EMCN: variants seen among roughly 807,000 people sequenced by gnomAD.
EMCN encodes the protein endomucin.
In EMCN, 37 loss-of-function variants were observed where a neutral mutation model predicts 38.4. The observed-to-expected ratio is 0.96, with a 90% CI of 0.74 to 1.27. EMCN has a LOEUF of 1.27. EMCN is among the 50% of genes most tolerant of loss of function. The pLI is 0.00. For synonymous variants in EMCN, 95 were observed against 100.8 expected (o/e 0.94, Z 0.35); for missense variants, 318 against 302.8 (o/e 1.05, Z -0.37).
chr4:100,475,017 GA>G lies in EMCN; in HGVS notation c.259+20del. 2 of 1,357,048 alleles carry G rather than the reference GA, an allele frequency of 1.5e-6. No homozygotes were observed. Among genetic ancestry groups the G allele is most frequent in the South Asian group, 1.5e-5 (1 of 66,670 alleles). 84.1% of individuals were successfully genotyped at this position (1,357,048 alleles called of 1,614,324 possible). On this transcript the variant is annotated intron_variant, in intron 3 of 11. Coordinates refer to ENST00000296420, the MANE Select transcript of EMCN (RefSeq NM_016242.4). ...GAATTATATATTTTTTAAAATTGTA[GA>G]AAAATGAATCATTACTCACCTTCAT...
chr4:100,478,034 T>C (rs1728707125), intron 2 of EMCN, among the ~76,000 whole-genome samples: 1 of 152,212 alleles, frequency 6.6e-6, no homozygotes, highest in Non-Finnish European at 1.5e-5. Context: ...CTGACTCATC[T>C]AACCCTTAAT....
chr4:100,420,897 T>C (rs1726869338), intron 8 of EMCN, among the ~76,000 whole-genome samples: 1 of 152,166 alleles, frequency 6.6e-6, no homozygotes, highest in East Asian at 1.9e-4. Flanking sequence ...TTTGAGATTA[T>C]GGGCCCCTGA....
At chr4:100,455,997 G>T (rs558621200) in intron 4 of EMCN, among the ~76,000 whole-genome samples, 1 of 151,996 alleles carries the variant, frequency 6.6e-6, no homozygotes, top group Non-Finnish European at 1.5e-5. Context: ...GTTTCACCAC[G>T]TTGTCCAGGC....
chr4:100,403,244 G>T (rs181136210), intron 11 of EMCN, among the ~76,000 whole-genome samples: 5 of 151,962 alleles, frequency 3.3e-5, no homozygotes, highest in African/African-American at 9.7e-5. Flanking sequence ...CTTGTTCCCC[G>T]CTTTGTGCCT....
chr4:100,437,598 G>A (rs1727392931), intron 5 of EMCN, among the ~76,000 whole-genome samples: 1 of 152,064 alleles, frequency 6.6e-6, no homozygotes, highest in Admixed American at 6.6e-5. Context: ...TTAAGATAGG[G>A]TCCAATTTCA....
chr4:100,423,091 GA>G lies in EMCN; in HGVS notation c.509-12del, dbSNP rs771694055. 29 of 1,612,478 alleles carry G rather than the reference GA, an allele frequency of 1.8e-5. No individual in the cohort carries two copies. The African/African-American group carries it at 2.9e-4, about 16-fold the overall frequency. On this transcript the variant is annotated splice_polypyrimidine_tract_variant and intron_variant, in intron 6 of 11. Transcript: ENST00000296420. ...CCTCAGTGCCTATTACTTTAAGAAAGAAAAAAACAAGTCACTTTTGGTTAAT... is the reference window on the plus strand; with the variant it reads ...CCTCAGTGCCTATTACTTTAAGAAAGAAAAAACAAGTCACTTTTGGTTAAT...
chr4:100,406,606 T>A (rs1055032316), intron 11 of EMCN, among the ~76,000 whole-genome samples: 2 of 152,078 alleles, frequency 1.3e-5, no homozygotes, highest in Non-Finnish European at 2.9e-5. Flanking sequence ...ATGTGGCTGG[T>A]ATGATTTTGG....
At chr4:100,421,429 C>T (rs779392538) in intron 7 of EMCN, 52 bp from the exon 8 acceptor site, 7 of 1,444,476 alleles carry the variant, frequency 4.8e-6, no homozygotes, top group Non-Finnish European at 5.8e-6. Context: ...AATTTCACAG[C>T]GATAGTTTGG....
At chr4:100,511,755 G>T (rs1040550870) in intron 1 of EMCN, among the ~76,000 whole-genome samples, 4 of 151,878 alleles carry the variant, frequency 2.6e-5, no homozygotes, top group African/African-American at 4.8e-5. Flanking sequence ...AAACTAAAAT[G>T]TTCTCATCAA....
chr4:100,515,829 T>A (rs1483022778), intron 1 of EMCN, among the ~76,000 whole-genome samples: 1 of 151,334 alleles, frequency 6.6e-6, no homozygotes, highest in Non-Finnish European at 1.5e-5. Context: ...CTGTGCCCAA[T>A]CTGCAAAAAC....
intron 1 of EMCN, among the ~76,000 whole-genome samples, chr4:100,496,433 A>G (rs918471437): frequency 4.6e-5 from 7 of 152,192 alleles, no homozygotes; most frequent in Admixed American, 2.0e-4. Flanking sequence ...ATGTATGTCC[A>G]AAACTTCATT....
intron 1 of EMCN, among the ~76,000 whole-genome samples, chr4:100,509,607 A>G (rs1376525978): frequency 6.6e-6 from 1 of 152,194 alleles, no homozygotes; most frequent in Non-Finnish European, 1.5e-5. Flanking sequence ...GGGCGATTTC[A>G]CAGTTCATAC....
intron 1 of EMCN, among the ~76,000 whole-genome samples, chr4:100,517,555 A>G (rs1421372327): frequency 6.6e-6 from 1 of 152,110 alleles, no homozygotes; most frequent in Non-Finnish European, 1.5e-5. Context: ...TTTAACCAGC[A>G]TTCTATTCCC....
At chr4:100,447,397 A>G (rs1204013191) in intron 5 of EMCN, 136 bp downstream of exon 5, 3 of 651,534 alleles carry the variant, frequency 4.6e-6, no homozygotes, top group Non-Finnish European at 7.9e-6. Context: ...AAGTTTTTCT[A>G]AACATTTTAT....
chr4:100,489,609 C>T (rs1424303487), intron 1 of EMCN, among the ~76,000 whole-genome samples: 1 of 152,136 alleles, frequency 6.6e-6, no homozygotes, highest in Non-Finnish European at 1.5e-5. Context: ...ACCTGTGCTG[C>T]CAGTCATGTT....
At chr4:100,447,401 A>C in intron 5 of EMCN, 132 bp downstream of exon 5, 1 of 662,092 alleles carries the variant, frequency 1.5e-6, no homozygotes, top group South Asian at 1.9e-5. Context: ...TTTTCTAAAC[A>C]TTTTATTTGT....
intron 4 of EMCN, among the ~76,000 whole-genome samples, chr4:100,455,434 T>C (rs1190898064): frequency 6.6e-6 from 1 of 152,060 alleles, no homozygotes; most frequent in Non-Finnish European, 1.5e-5. Flanking sequence ...TTTCTGTTCC[T>C]GAATGTCTTT....
At chr4:100,430,897 TA>T (rs1382292671) in intron 5 of EMCN, among the ~76,000 whole-genome samples, 1 of 152,230 alleles carries the variant, frequency 6.6e-6, no homozygotes, top group Non-Finnish European at 1.5e-5. Context: ...ATCTAGATAT[TA>T]CTCTGCTAGA....
In EMCN at chr4:100,460,481, C is replaced by T. The variant is rs1397984985; in HGVS notation, c.376+4942G>A. On this transcript the variant is annotated intron_variant, in intron 4 of 11. Transcript: ENST00000296420. The stretch of plus-strand genomic sequence containing the variant: ...CAATTCCACATGGCAGGGGAGGCGT[C>T]ACAATCATGGCTGAAGGCTAATGAG... Among the ~76,000 whole-genome samples the T allele has an allele frequency of 6.6e-5, 10 of 152,240 alleles. No homozygotes were observed. The South Asian group carries it at 2.1e-3, about 32-fold the overall frequency.
Sources: gnomAD v4.1 joint callset for allele counts (sites outside exome capture counted in the v4.1 genomes callset) on GRCh38, gnomAD v4.1.1 for gene constraint, MANE v1.5 for transcripts, NCBI Gene and HGNC (gene_info 2026-07-23, HGNC 2026-07-21) for gene names.